APBB1IP: variants seen among roughly 807,000 people sequenced by gnomAD.
The protein encoded by APBB1IP is amyloid beta A4 precursor protein-binding family B member 1-interacting protein.
A neutral mutation model predicts 64.9 loss-of-function variants in APBB1IP; 27 were observed. That is an observed-to-expected ratio of 0.42 (90% CI 0.31 to 0.57). The LOEUF is 0.57. APBB1IP is among the 20% of genes least tolerant of loss of function. APBB1IP has a pLI of 0.20. For missense variants in APBB1IP, 812 were observed against 845.5 expected (o/e 0.96, Z 0.49); for synonymous variants, 392 against 331.0 (o/e 1.18, Z -2.00).
intron 11 of APBB1IP, among the ~76,000 whole-genome samples, chr10:26,547,635 G>A (rs1222037843): frequency 6.6e-6 from 1 of 152,012 alleles, no homozygotes; most frequent in Non-Finnish European, 1.5e-5. Flanking sequence ...AGTAGTGATG[G>A]GGTTTCACCA....
At chr10:26,502,861 C>T (rs907849215) in intron 5 of APBB1IP, among the ~76,000 whole-genome samples, 6 of 152,090 alleles carry the variant, frequency 3.9e-5, no homozygotes, top group Admixed American at 6.6e-5. Flanking sequence ...TCTAAATATA[C>T]GAACCACTGT....
intron 2 of APBB1IP, among the ~76,000 whole-genome samples, chr10:26,464,914 A>T (rs1202877146): frequency 6.6e-6 from 1 of 152,244 alleles, no homozygotes; most frequent in Non-Finnish European, 1.5e-5. Context: ...AACAGGGATA[A>T]ATCCAAGTTC....
Position 26,536,208 on chromosome 10 carries a change from A to C in APBB1IP, c.1035A>C (p.Gly345=). ...CTGGAATTTATTATGTACCCAAAGGAAAGACTAAGGTCAGAAAAAAAAAAA... is the reference window on the plus strand; with the variant it reads ...CTGGAATTTATTATGTACCCAAAGGCAAGACTAAGGTCAGAAAAAAAAAAA... ...RASGIYYVPK[G]KTKTSRDLAC... is the part of the protein sequence containing the mutation. The change falls in exon 10 of 15, where the codon GGA becomes GGC. Residue 345 remains glycine (G), a synonymous_variant. Transcript: ENST00000376236. 1 of 1,569,822 alleles carries C rather than the reference A, an allele frequency of 6.4e-7. No homozygotes were observed. Among genetic ancestry groups the C allele is most frequent in the Non-Finnish European group, 8.6e-7 (1 of 1,166,622 alleles).
chr10:26,511,309 A>C (rs1836256488), intron 6 of APBB1IP, among the ~76,000 whole-genome samples: 1 of 152,180 alleles, frequency 6.6e-6, no homozygotes, highest in South Asian at 2.1e-4. Flanking sequence ...ACGCCACTGC[A>C]CTCCAGCCTG....
intron 2 of APBB1IP, among the ~76,000 whole-genome samples, chr10:26,475,622 C>T (rs1251839879): frequency 2.6e-5 from 4 of 152,116 alleles, no homozygotes; most frequent in South Asian, 4.1e-4. Context: ...CCATGGATGT[C>T]CTGTGTGATC....
At chr10:26,492,256 A>G (rs1835964697) in intron 2 of APBB1IP, 71 bp from the exon 3 acceptor site, 1 of 1,364,454 alleles carries the variant, frequency 7.3e-7, no homozygotes, top group Non-Finnish European at 1.0e-6. Flanking sequence ...GGGGAAAGAG[A>G]GGGATGCAAA....
At chr10:26,529,400 A>G (rs1488629374) in intron 8 of APBB1IP, among the ~76,000 whole-genome samples, 1 of 152,254 alleles carries the variant, frequency 6.6e-6, no homozygotes, top group Non-Finnish European at 1.5e-5. Context: ...TAAAAGAAAA[A>G]ACAAAAACAG....
chr10:26,483,596 G>A (rs527740479), intron 2 of APBB1IP, among the ~76,000 whole-genome samples: 132 of 152,276 alleles, frequency 8.7e-4, no homozygotes, highest in African/African-American at 3.0e-3. Flanking sequence ...AGACAGACAG[G>A]TAGCAACTTC....
chr10:26,452,097 TA>T (rs1835471489), intron 2 of APBB1IP, among the ~76,000 whole-genome samples: 1 of 152,198 alleles, frequency 6.6e-6, no homozygotes, highest in South Asian at 2.1e-4. Context: ...AGACATTTTT[TA>T]AATAATCAGC....
At chr10:26,510,038 C>T (rs374754093) in intron 6 of APBB1IP, among the ~76,000 whole-genome samples, 5 of 152,166 alleles carry the variant, frequency 3.3e-5, no homozygotes, top group Admixed American at 2.0e-4. Flanking sequence ...GCTGCAATCT[C>T]GGCTCACTGC....
At chr10:26,495,612 T>TA (rs112502113) in intron 3 of APBB1IP, among the ~76,000 whole-genome samples, 10,946 of 139,464 alleles carry the variant, frequency 0.078, 1,053 homozygotes, top group African/African-American at 0.24. Flanking sequence ...TCATTTTTGT[T>TA]AAAAAAAAAA....
At chr10:26,495,924 A>T (rs1437058703) in intron 3 of APBB1IP, among the ~76,000 whole-genome samples, 3 of 142,386 alleles carry the variant, frequency 2.1e-5, no homozygotes, top group Non-Finnish European at 3.0e-5. Context: ...TATTTTATAT[A>T]ATATATATTT....
rs549672958 is a variant in APBB1IP at position 26,493,034 on chromosome 10, G to A, written c.72+636G>A. 4.6e-5 allele frequency among the ~76,000 whole-genome samples: 7 copies of A among 152,214 alleles called. 1 individual carries two copies. Among genetic ancestry groups the A allele is most frequent in the Non-Finnish European group, 5.9e-5 (4 of 68,008 alleles). ...GAGCGGCCATTTTAGAGGCCCCCCC[G>A]GGAATGCATTCTTTTCCCAGGGCTA... On this transcript the variant is annotated intron_variant, in intron 3 of 14. Coordinates refer to ENST00000376236, the MANE Select transcript of APBB1IP (RefSeq NM_019043.4).
At chr10:26,529,257 T>C (rs1203024530) in intron 8 of APBB1IP, among the ~76,000 whole-genome samples, 2 of 152,236 alleles carry the variant, frequency 1.3e-5, no homozygotes, top group Non-Finnish European at 2.9e-5. Flanking sequence ...ACAGCCCGCA[T>C]TGAGTGGGCG....
chr10:26,506,659 T>C (rs117097857), intron 6 of APBB1IP, among the ~76,000 whole-genome samples: 115 of 152,232 alleles, frequency 7.6e-4, no homozygotes, highest in Non-Finnish European at 1.4e-3. Flanking sequence ...TTGTCCTATG[T>C]ATTGCCCGTA....
At chr10:26,459,083 TC>T (rs1282638726) in intron 2 of APBB1IP, among the ~76,000 whole-genome samples, 17 of 91,816 alleles carry the variant, frequency 1.9e-4, no homozygotes, top group Non-Finnish European at 3.6e-4. Flanking sequence ...ATGCTATCCC[TC>T]CCCCCTCCCC....
intron 2 of APBB1IP, among the ~76,000 whole-genome samples, chr10:26,484,526 A>C (rs1288292354): frequency 2.0e-5 from 3 of 152,176 alleles, no homozygotes; most frequent in Non-Finnish European, 4.4e-5. Flanking sequence ...GCTGGTCTCA[A>C]ACTCCTGACC....
intron 10 of APBB1IP, among the ~76,000 whole-genome samples, chr10:26,536,577 T>C (rs1295858953): frequency 6.7e-6 from 1 of 148,616 alleles, no homozygotes; most frequent in East Asian, 2.0e-4. Flanking sequence ...TTGGAAATCT[T>C]GATAAGATTT....
intron 11 of APBB1IP, among the ~76,000 whole-genome samples, chr10:26,553,913 C>T (rs1836863171): frequency 6.6e-6 from 1 of 152,086 alleles, no homozygotes; most frequent in East Asian, 1.9e-4. Context: ...CTGCTGGTGC[C>T]TCCTCCTTCC....
Sources: allele counts gnomAD v4.1 joint callset (sites outside exome capture counted in the v4.1 genomes callset), GRCh38; gene constraint gnomAD v4.1.1; transcripts MANE v1.5; gene names NCBI Gene and HGNC (gene_info 2026-07-23, HGNC 2026-07-21).